The following SSH2 variants were observed in gnomAD, a reference collection of about 807,000 sequenced individuals.
SSH2 encodes the protein slingshot protein phosphatase 2, also known as protein phosphatase Slingshot homolog 2.
In SSH2, 37 loss-of-function variants were observed where a neutral mutation model predicts 135.2. That is an observed-to-expected ratio of 0.27 (90% CI 0.21 to 0.36). SSH2 has a LOEUF of 0.36. Ranked by LOEUF, SSH2 falls within the 10% of genes least tolerant of loss-of-function variation. The pLI is 1.00. For synonymous variants in SSH2, 628 were observed against 646.2 expected, an observed-to-expected ratio of 0.97 and a Z score of 0.43; for missense variants, 1,408 against 1,765.3, an observed-to-expected ratio of 0.80 and a Z score of 3.63.
intron 14 of SSH2, among the ~76,000 whole-genome samples, chr17:29,641,453 A>AG (rs2036156336): frequency 2.6e-5 from 4 of 152,056 alleles, no homozygotes; most frequent in African/African-American, 9.6e-5. Flanking sequence ...CCTGGATGAT[A>AG]TAACCAAGTC....
At chr17:29,639,959 T>C (rs1179716176) in intron 14 of SSH2, among the ~76,000 whole-genome samples, 2 of 152,190 alleles carry the variant, frequency 1.3e-5, no homozygotes, top group East Asian at 1.9e-4. Context: ...AGTAGGACAA[T>C]GCCTGGGATG....
intron 11 of SSH2, among the ~76,000 whole-genome samples, chr17:29,662,778 C>T (rs180680898): frequency 5.9e-5 from 9 of 152,246 alleles, no homozygotes; most frequent in African/African-American, 2.2e-4. Context: ...GATCCTCTCC[C>T]TAGGCTGAAT....
At chr17:29,856,049 C>G in intron 1 of SSH2, 1 of 358,218 alleles carries the variant, frequency 2.8e-6, no homozygotes, top group South Asian at 2.3e-5. Context: ...ATACTCCTTT[C>G]CCCATCAACT....
chr17:29,683,939 C>T (rs573126713), intron 6 of SSH2, among the ~76,000 whole-genome samples: 19 of 152,132 alleles, frequency 1.2e-4, no homozygotes, highest in Non-Finnish European at 1.9e-4. Flanking sequence ...CAGAGCGAGA[C>T]GCTGTCTCAA....
At chr17:29,736,333 C>T (rs1289390667) in intron 3 of SSH2, among the ~76,000 whole-genome samples, 1 of 152,140 alleles carries the variant, frequency 6.6e-6, no homozygotes, top group African/African-American at 2.4e-5. Context: ...CATTTGATGA[C>T]AGTACTTATT....
intron 5 of SSH2, among the ~76,000 whole-genome samples, chr17:29,692,406 C>CA (rs1270612145): frequency 6.6e-6 from 1 of 152,186 alleles, no homozygotes; most frequent in East Asian, 1.9e-4. Flanking sequence ...TGTAACAACT[C>CA]AAAACAACTG....
chr17:29,744,696 C>G (rs1380642992), intron 3 of SSH2, among the ~76,000 whole-genome samples: 6 of 152,154 alleles, frequency 3.9e-5, no homozygotes, highest in Non-Finnish European at 5.9e-5. Flanking sequence ...GGAAAAATAG[C>G]TATCAGCACA....
intron 3 of SSH2, chr17:29,761,096 A>ATC: frequency 7.8e-7 from 1 of 1,285,964 alleles, no homozygotes; most frequent in South Asian, 1.2e-5. Context: ...GCGGCTGCTG[A>ATC]AAGAGCAAAC....
chr17:29,627,814 T>C lies in SSH2; in HGVS notation c.*3027A>G, dbSNP rs1188140136. ...CAGGTTCAGCTCAAGTTCTGTATGC[T>C]CCTGGGGCTTTTACCCCATACACCA... is the stretch of plus-strand genomic sequence containing the variant. On this transcript the variant is annotated 3_prime_UTR_variant, in exon 16 of 16. Transcript: ENST00000540801. 6.6e-6 allele frequency: 1 copy of C among 152,510 alleles called. No individual in the cohort carries two copies. Among genetic ancestry groups the C allele is most frequent in the Admixed American group, 6.5e-5 (1 of 15,286 alleles). The allele number at this position is 152,510 out of a possible 1,614,324, so 9.4% of individuals were successfully genotyped here. A position where few individuals can be genotyped will look rare whatever the true frequency, so the allele number is the denominator to read the frequency against.
At chr17:29,697,598 C>T (rs1327527983) in intron 4 of SSH2, among the ~76,000 whole-genome samples, 1 of 152,026 alleles carries the variant, frequency 6.6e-6, no homozygotes, top group African/African-American at 2.4e-5. Flanking sequence ...TATGATCATG[C>T]CACTGCACTC....
chr17:29,704,798 T>C (rs2039133765), intron 3 of SSH2, among the ~76,000 whole-genome samples: 1 of 149,048 alleles, frequency 6.7e-6, no homozygotes, highest in Admixed American at 6.7e-5. Flanking sequence ...ATCAATAAAC[T>C]AAATAAGCCT....
chr17:29,694,906 A>G lies in SSH2; in HGVS notation c.357+553T>C, dbSNP rs149625013. 1.6e-4 allele frequency among the ~76,000 whole-genome samples: 25 copies of G among 152,270 alleles called. No individual in the cohort carries two copies. The East Asian group carries it at 2.5e-3, about 15-fold the overall frequency. ...TCCCCATACTTAGACAGCATTTTGC[A>G]CTATGCAGTATGTTTTCATGTCCAG... On this transcript the variant is annotated intron_variant, in intron 5 of 15. Coordinates refer to ENST00000540801, the MANE Select transcript of SSH2 (RefSeq NM_001282129.2).
Position 29,632,361 on chromosome 17 carries a change from G to A in SSH2, c.2833C>T (p.Pro945Ser), listed in dbSNP as rs1288949742. 6.2e-7 allele frequency: 1 copy of A among 1,613,952 alleles called. No individual in the cohort carries two copies. Among genetic ancestry groups the A allele is most frequent in the Non-Finnish European group, 8.5e-7 (1 of 1,179,858 alleles). The change falls in exon 16 of 16, where the codon CCC becomes TCC. Residue 945 changes from proline to serine, a missense_variant. Pro to Ser is a moderately conservative substitution (Grantham distance 74). This residue lies in a region of SSH2 where 1,080 missense variants were observed against 1,144.5 expected (regional missense o/e 0.94). Transcript: ENST00000540801. ...TTGAGGACAAATGAATGTTCTGGGG[G>A]GGCTTCATCACTTTTCCCTTTTGGT... ...LAPKGKSDEAPPEHSFVLKEP... is the reference protein window; with the variant it reads ...LAPKGKSDEASPEHSFVLKEP...
chr17:29,926,013 CAAT>C (rs1354452091), intron 1 of SSH2, among the ~76,000 whole-genome samples: 30 of 152,198 alleles, frequency 2.0e-4, no homozygotes, highest in Non-Finnish European at 2.9e-4. Flanking sequence ...CTAGGAAGAA[CAAT>C]ATCTATCCTA....
At chr17:29,643,654 T>C (rs2036257197) in intron 14 of SSH2, among the ~76,000 whole-genome samples, 1 of 152,060 alleles carries the variant, frequency 6.6e-6, no homozygotes, top group African/African-American at 2.4e-5. Context: ...CCACCATGCC[T>C]GGCTAATTTT....
chr17:29,779,973 A>G (rs2041804453), intron 3 of SSH2, among the ~76,000 whole-genome samples: 1 of 152,076 alleles, frequency 6.6e-6, no homozygotes, highest in African/African-American at 2.4e-5. Context: ...CTGTAATCCC[A>G]GCACTTTGGG....
At chr17:29,783,795 G>A (rs1244777183) in intron 3 of SSH2, among the ~76,000 whole-genome samples, 3 of 151,980 alleles carry the variant, frequency 2.0e-5, no homozygotes, top group Non-Finnish European at 2.9e-5. Flanking sequence ...GGCCGGGCGC[G>A]GTGGCTCACG....
intron 11 of SSH2, among the ~76,000 whole-genome samples, chr17:29,658,005 A>ATT (rs34973345): frequency 8.2e-5 from 10 of 121,574 alleles, no homozygotes; most frequent in Admixed American, 1.6e-4. Context: ...CACAATCTGT[A>ATT]TTTTTTTTTT....
Position 29,663,947 on chromosome 17 carries a change from A to G in SSH2, c.1032+2920T>C, listed in dbSNP as rs116510042. Among the ~76,000 whole-genome samples the G allele has an allele frequency of 5.5e-3, 843 of 152,350 alleles. 7 individuals carry two copies. The highest frequency in any genetic ancestry group is 0.019 in the African/African-American group (797 of 41,578). On this transcript the variant is annotated intron_variant, in intron 11 of 15. Transcript: ENST00000540801. ...TGGGGGAAACTATGCATGTGTTGGG[A>G]TAAGTTGTATATGGGAAATCTCTAT... is the stretch of plus-strand genomic sequence containing the variant.
Sources: gnomAD v4.1 joint callset for allele counts (sites outside exome capture counted in the v4.1 genomes callset) on GRCh38, gnomAD v4.1.1 for gene constraint, gnomAD v4.1.1 regional missense constraint, MANE v1.5 for transcripts, NCBI Gene and HGNC (gene_info 2026-07-23, HGNC 2026-07-21) for gene names.